The following KAZN variants were observed in gnomAD, a reference collection of about 807,000 sequenced individuals.
KAZN encodes kazrin.
A neutral mutation model predicts 87.4 loss-of-function variants in KAZN; 40 were observed. That is an observed-to-expected ratio of 0.46 (90% CI 0.36 to 0.60). The LOEUF (loss-of-function observed/expected upper bound fraction) is 0.60. Among genes scored for constraint, KAZN ranks in the 20% least tolerant of loss-of-function variants. The pLI is 0.00. For synonymous variants in KAZN, 466 were observed against 458.3 expected (o/e 1.02, Z -0.22); for missense variants, 898 against 1,073.9 (o/e 0.84, Z 2.29).
At chr1:14,022,188 C>T (rs1042747469) in intron 1 of KAZN, among the ~76,000 whole-genome samples, 3 of 151,880 alleles carry the variant, frequency 2.0e-5, no homozygotes, top group Non-Finnish European at 2.9e-5. Flanking sequence ...TGCATGCATG[C>T]TCTTTCTAGC....
chr1:14,193,482 G>A (rs1436596026), intron 2 of KAZN, among the ~76,000 whole-genome samples: 1 of 152,080 alleles, frequency 6.6e-6, no homozygotes, highest in African/African-American at 2.4e-5. Flanking sequence ...CTCCCTTAGA[G>A]CCTTTAAAAG....
At chr1:14,886,660 G>A (rs773566703) in intron 1 of KAZN, among the ~76,000 whole-genome samples, 9 of 151,892 alleles carry the variant, frequency 5.9e-5, no homozygotes, top group South Asian at 4.2e-4. Context: ...GAGTGGTGGC[G>A]CATGCATGTA....
intron 1 of KAZN, among the ~76,000 whole-genome samples, chr1:14,106,517 G>A (rs1238847321): frequency 6.6e-6 from 1 of 152,136 alleles, no homozygotes; most frequent in African/African-American, 2.4e-5. Context: ...GTCAAAGCCT[G>A]TCTCCCTGGG....
chr1:14,399,543 G>T (rs1307063906), intron 2 of KAZN, among the ~76,000 whole-genome samples: 3 of 152,078 alleles, frequency 2.0e-5, no homozygotes. Context: ...CACCCATTAG[G>T]ACCAATCCCA....
intron 8 of KAZN, among the ~76,000 whole-genome samples, chr1:15,092,060 G>GTTTTTTTTTTTTTTTTTTTTTTTTT (rs57460680): frequency 8.7e-6 from 1 of 114,446 alleles, no homozygotes; most frequent in Non-Finnish European, 1.8e-5. Flanking sequence ...TTGTTTTTTT[G>GTTTTTTTTTTTTTTTTTTTTTTTTT]TTTTTTTTTT....
At chr1:14,328,748 G>GAAA (rs3084955) in intron 2 of KAZN, among the ~76,000 whole-genome samples, 4 of 55,930 alleles carry the variant, frequency 7.2e-5, no homozygotes, top group Non-Finnish European at 1.0e-4. Flanking sequence ...ATCCCTAACT[G>GAAA]AAAAAAAAAA....
chr1:14,855,589 T>A (rs1650000020), intron 1 of KAZN, among the ~76,000 whole-genome samples: 2 of 152,064 alleles, frequency 1.3e-5, no homozygotes, highest in African/African-American at 4.8e-5. Context: ...TGTCCATGAG[T>A]GGGGTGAAAT....
intron 1 of KAZN, among the ~76,000 whole-genome samples, chr1:14,728,194 G>C (rs560066902): frequency 1.3e-5 from 2 of 150,904 alleles, no homozygotes; most frequent in African/African-American, 4.9e-5. Flanking sequence ...GCTGAGGCAG[G>C]AGAATCGCTT....
At chr1:14,814,616 G>C (rs533146514) in intron 1 of KAZN, among the ~76,000 whole-genome samples, 1 of 152,318 alleles carries the variant, frequency 6.6e-6, no homozygotes, top group African/African-American at 2.4e-5. Context: ...AGAATCCTTT[G>C]AAAACCCAGC....
chr1:14,904,705 C>T (rs1656310853), intron 1 of KAZN, among the ~76,000 whole-genome samples: 1 of 152,236 alleles, frequency 6.6e-6, no homozygotes, highest in Non-Finnish European at 1.5e-5. Flanking sequence ...GCCACTGGCC[C>T]CAAAGCCTGC....
intron 1 of KAZN, among the ~76,000 whole-genome samples, chr1:14,119,263 A>G (rs1644699610): frequency 6.6e-6 from 1 of 152,202 alleles, no homozygotes; most frequent in Non-Finnish European, 1.5e-5. Flanking sequence ...CTGGAGAGGC[A>G]GAGAGCCTTT....
At chr1:13,939,628 CAG>C (rs1640859758) in intron 1 of KAZN, among the ~76,000 whole-genome samples, 1 of 152,218 alleles carries the variant, frequency 6.6e-6, no homozygotes, top group East Asian at 1.9e-4. Flanking sequence ...TCCACATTTT[CAG>C]ATATCTTTAT....
At chr1:14,491,001 T>C (rs984203469) in intron 2 of KAZN, among the ~76,000 whole-genome samples, 1 of 152,232 alleles carries the variant, frequency 6.6e-6, no homozygotes, top group Non-Finnish European at 1.5e-5. Context: ...TGGAGAAGAA[T>C]TGTCATTGTC....
At chr1:14,676,597 A>G (rs1232442031) in intron 1 of KAZN, among the ~76,000 whole-genome samples, 1 of 152,238 alleles carries the variant, frequency 6.6e-6, no homozygotes, top group Non-Finnish European at 1.5e-5. Context: ...ATATCCATAC[A>G]ACGGAGTATT....
intron 2 of KAZN, among the ~76,000 whole-genome samples, chr1:14,293,674 G>GAA (rs111764330): frequency 7.7e-5 from 11 of 143,100 alleles, no homozygotes; most frequent in African/African-American, 2.6e-4. Context: ...TAGGTGTACA[G>GAA]AAAAAAAAAA....
intron 1 of KAZN, among the ~76,000 whole-genome samples, chr1:13,905,069 CT>C (rs1196097383): frequency 4.6e-5 from 7 of 152,172 alleles, no homozygotes; most frequent in African/African-American, 1.4e-4. Flanking sequence ...TTTTTTTAAC[CT>C]CTAGAAGTTC....
intron 2 of KAZN, among the ~76,000 whole-genome samples, chr1:14,275,484 G>GTGTT (rs1553152948): frequency 6.8e-6 from 1 of 147,916 alleles, no homozygotes; most frequent in African/African-American, 2.5e-5. Context: ...GTGTGTGTGT[G>GTGTT]TGTGTGTCTA....
chr1:14,866,889 G>T (rs1185631348), intron 1 of KAZN, among the ~76,000 whole-genome samples: 1 of 152,240 alleles, frequency 6.6e-6, no homozygotes, highest in Admixed American at 6.5e-5. Flanking sequence ...GCTGGCCTGA[G>T]CTGTGGGGAG....
chr1:14,252,450 G>T (rs1316796371), intron 2 of KAZN, among the ~76,000 whole-genome samples: 1 of 152,144 alleles, frequency 6.6e-6, no homozygotes, highest in Non-Finnish European at 1.5e-5. Flanking sequence ...GAATTGCACT[G>T]GCTTCCTGTC....
Sources: allele counts gnomAD v4.1 joint callset (sites outside exome capture counted in the v4.1 genomes callset), GRCh38; gene constraint gnomAD v4.1.1; transcripts MANE v1.5; gene names NCBI Gene and HGNC (gene_info 2026-07-23, HGNC 2026-07-21).